RESP18: variants seen among roughly 807,000 people sequenced by gnomAD.
The protein encoded by RESP18 is regulated endocrine specific protein 18, also known as regulated endocrine-specific protein 18.
In RESP18, 30 loss-of-function variants were observed where a neutral mutation model predicts 30.0. The ratio of observed to expected loss-of-function variants is 1.00; its 90% CI spans 0.75 to 1.36. RESP18 has a LOEUF of 1.36. Among genes scored for constraint, RESP18 ranks in the 40% most tolerant of loss-of-function variants. The pLI is 0.00. For missense variants in RESP18, 320 were observed against 284.2 expected (o/e 1.13, Z -0.91); for synonymous variants, 117 against 111.2 (o/e 1.05, Z -0.33).
At chr2:219,329,061 T>C in intron 5 of RESP18, 53 bp from the exon 5 acceptor site, 2 of 1,497,622 alleles carry the variant, frequency 1.3e-6, no homozygotes, top group Admixed American at 2.0e-5. Context: ...GAAAAATCTT[T>C]TCTGCAGCGA....
chr2:219,328,919 C>CT lies in RESP18; in HGVS notation c.640+4dup, dbSNP rs750633090. The CT allele has an allele frequency of 5.8e-6, 9 of 1,542,012 alleles. No individual in the cohort carries two copies. The African/African-American group carries it at 1.1e-4, about 19-fold the overall frequency. ...TTCAATGCCTATTTTAAACTCAATA[C>CT]TTACGCATGATCTTATAGATAATTT... On this transcript the variant is annotated splice_donor_region_variant and intron_variant, in intron 6 of 6. Transcript: ENST00000333527.
chr2:219,330,353 T>G (rs1214938018), intron 3 of RESP18, among the ~76,000 whole-genome samples: 1 of 152,142 alleles, frequency 6.6e-6, no homozygotes, highest in Non-Finnish European at 1.5e-5. Context: ...ATGTTGCCAA[T>G]GGACTCTCCA....
intron 6 of RESP18, 110 bp from the exon 6 acceptor site, chr2:219,327,673 C>T: frequency 6.5e-6 from 6 of 927,362 alleles, no homozygotes; most frequent in South Asian, 1.4e-5. Context: ...TTGAGTAACC[C>T]TTCAGCATGG....
chr2:219,328,814 T>G, intron 6 of RESP18, 110 bp downstream of exon 5: 2 of 676,456 alleles, frequency 3.0e-6, no homozygotes, highest in Non-Finnish European at 5.2e-6. Context: ...CTCCCATTCA[T>G]CAAGGGAGTG....
At chr2:219,330,910 G>A (rs1432998779) in intron 2 of RESP18, 35 bp from the exon 2 acceptor site, 2 of 1,271,306 alleles carry the variant, frequency 1.6e-6, no homozygotes, top group South Asian at 2.5e-5. Flanking sequence ...CAAGGAACCT[G>A]GCCAGAGCCT....
Position 219,332,592 on chromosome 2 carries a change from A to C in RESP18, c.164T>G (p.Leu55Arg), listed in dbSNP as rs1031671227. 7 of 1,551,364 alleles carry C rather than the reference A, an allele frequency of 4.5e-6. No homozygotes were observed. In the South Asian group the frequency reaches 8.3e-5, roughly 18 times the overall value. Residue 55 changes from leucine to arginine, a missense_variant, in exon 2 of 7, where the codon CTC becomes CGC. Leu to Arg is a moderately radical substitution (Grantham distance 102, BLOSUM62 -2). Coordinates refer to ENST00000333527, the MANE Select transcript of RESP18 (RefSeq NM_001007089.4). ...CAGCAGGAAGCAGACAAGCAGCTGG[A>C]GCCCCTCGGAGCTCCCAGGCCACAG...
intron 6 of RESP18, among the ~76,000 whole-genome samples, chr2:219,328,093 C>G (rs568038226): frequency 4.7e-4 from 72 of 152,366 alleles, no homozygotes; most frequent in African/African-American, 1.6e-3. Context: ...TTACAGACCT[C>G]TCAGTTTTCA....
intron 4 of RESP18, 80 bp downstream of exon 3, chr2:219,329,557 G>A: frequency 6.5e-7 from 1 of 1,541,114 alleles, no homozygotes; most frequent in Non-Finnish European, 8.8e-7. Context: ...ACTTCTACCT[G>A]CAGTTTTAGC....
Position 219,329,268 on chromosome 2 carries a change from C to G in RESP18, c.466-16G>C. ...CCAGGGGGCTCTGTGAGGAGGGAAA[C>G]CAGGAGTCAAGGAGGAGGCAGAAAA... On this transcript the variant is annotated splice_polypyrimidine_tract_variant and intron_variant, in intron 4 of 6. Coordinates refer to ENST00000333527, the MANE Select transcript of RESP18 (RefSeq NM_001007089.4). 1 of 1,551,582 alleles carries G rather than the reference C, an allele frequency of 6.4e-7. No homozygotes were observed. Among genetic ancestry groups the G allele is most frequent in the Non-Finnish European group, 8.7e-7 (1 of 1,146,912 alleles).
chr2:219,332,255 T>G (rs1222415825), intron 2 of RESP18, among the ~76,000 whole-genome samples: 1 of 152,188 alleles, frequency 6.6e-6, no homozygotes, highest in Non-Finnish European at 1.5e-5. Context: ...AGGCCAGTTT[T>G]ACCTCTCTCT....
chr2:219,329,588 G>T, intron 4 of RESP18, 49 bp downstream of exon 3: 1 of 1,547,906 alleles, frequency 6.5e-7, no homozygotes, highest in Non-Finnish European at 8.7e-7. Context: ...TCCCTGTTCC[G>T]TCTGTCTGCC....
rs566571867 is a variant in RESP18 at position 219,329,024 on chromosome 2, A to G, written c.556-16T>C. 33 of 1,536,794 alleles carry G rather than the reference A, an allele frequency of 2.1e-5. No individual in the cohort carries two copies. In the South Asian group the frequency reaches 3.3e-4, roughly 16 times the overall value. ...TATAGGTAATCTGAGAGATACAGGAAATTAGAAGTACCTTTGATTAGGAAT... is the reference window on the plus strand; with the variant it reads ...TATAGGTAATCTGAGAGATACAGGAGATTAGAAGTACCTTTGATTAGGAAT... On this transcript the variant is annotated splice_polypyrimidine_tract_variant and intron_variant, in intron 5 of 6. Coordinates refer to ENST00000333527, the MANE Select transcript of RESP18 (RefSeq NM_001007089.4).
At chr2:219,329,842 C>T (rs1952812513) in intron 3 of RESP18, 78 bp from the exon 3 acceptor site, 4 of 1,393,868 alleles carry the variant, frequency 2.9e-6, no homozygotes, top group Non-Finnish European at 3.9e-6. Flanking sequence ...TAACCTTTCT[C>T]TCAAGTATAT....
Position 219,329,642 on chromosome 2 carries a change from T to C in RESP18, c.460A>G (p.Thr154Ala), listed in dbSNP as rs773130900. The change falls in exon 4 of 7, where the codon ACT (threonine) becomes GCT (alanine). Residue 154 changes from threonine to alanine, a missense_variant. By Grantham distance (58) the Thr-to-Ala change is moderately conservative (BLOSUM62 0). Transcript: ENST00000333527. ...ACAGGCCTCATGCACCTCACCTCAG[T>C]GGTTTTAGTGGGGAAAAGTGCCTTC... is the stretch of plus-strand genomic sequence containing the variant. The C allele has an allele frequency of 6.4e-7, 1 of 1,551,402 alleles. No homozygotes were observed. The highest frequency in any genetic ancestry group is 1.2e-5 in the South Asian group (1 of 84,042).
At position 219,329,632 on chromosome 2, in the gene RESP18, C is replaced by A; in HGVS notation, c.465+5G>T. ...TGGAATGACCACAGGCCTCATGCACCTCACCTCAGTGGTTTTAGTGGGGAA... is the reference window on the plus strand; with the variant it reads ...TGGAATGACCACAGGCCTCATGCACATCACCTCAGTGGTTTTAGTGGGGAA... On this transcript the variant is annotated splice_donor_5th_base_variant and intron_variant, in intron 4 of 6. Transcript: ENST00000333527. 1 of 1,551,424 alleles carries A rather than the reference C, an allele frequency of 6.4e-7. No individual in the cohort carries two copies. Among genetic ancestry groups the A allele is most frequent in the Non-Finnish European group, 8.7e-7 (1 of 1,146,974 alleles).
At chr2:219,329,812 AT>A in intron 3 of RESP18, 48 bp from the exon 3 acceptor site, 1 of 1,522,634 alleles carries the variant, frequency 6.6e-7, no homozygotes, top group Non-Finnish European at 8.9e-7. Context: ...AGACACTCGG[AT>A]CCACTCCAGG....
At chr2:219,331,369 G>C (rs895183977) in intron 2 of RESP18, among the ~76,000 whole-genome samples, 1 of 152,110 alleles carries the variant, frequency 6.6e-6, no homozygotes, top group Non-Finnish European at 1.5e-5. Flanking sequence ...GAAGGACAGG[G>C]GTTGGGGAAG....
At position 219,329,372 on chromosome 2, in the gene RESP18, A is replaced by G. The variant is rs958201714; in HGVS notation, c.466-120T>C. The G allele has an allele frequency of 1.9e-6, 3 of 1,551,712 alleles. No homozygotes were observed. The Admixed American group carries it at 5.9e-5, about 30-fold the overall frequency. On this transcript the variant is annotated intron_variant, in intron 4 of 6. Coordinates refer to ENST00000333527, the MANE Select transcript of RESP18 (RefSeq NM_001007089.4). ...ATTCTTGAGAAGATACGTGAGTCTC[A>G]CTGGGGAATAGGAGTTGAAGTTTCT...
chr2:219,329,708 C>T lies in RESP18; in HGVS notation c.394G>A (p.Ala132Thr). Residue 132 changes from alanine (A) to threonine (T), a missense_variant, in exon 4 of 7, where the codon GCC (alanine) becomes ACC (threonine). By Grantham distance (58) the Ala-to-Thr change is moderately conservative. Transcript: ENST00000333527. ...GGTTCTTGGGGATGCAGTCTGCTGG[C>T]ATGCTCCATCTTTTGGATCATTGCA... The T allele has an allele frequency of 2.6e-6, 4 of 1,551,650 alleles. No individual in the cohort carries two copies. The South Asian group carries it at 4.8e-5, about 18-fold the overall frequency.
Sources: gnomAD v4.1 joint callset for allele counts (sites outside exome capture counted in the v4.1 genomes callset) on GRCh38, gnomAD v4.1.1 for gene constraint, MANE v1.5 for transcripts, NCBI Gene and HGNC (gene_info 2026-07-23, HGNC 2026-07-21) for gene names.